FBXW11: variants seen among roughly 807,000 people sequenced by gnomAD.
The protein encoded by FBXW11 is F-box/WD repeat-containing protein 11.
Under a neutral mutation model 77.6 loss-of-function variants are expected in FBXW11, and 19 were observed. The ratio of observed to expected loss-of-function variants is 0.24; its 90% CI spans 0.17 to 0.36. The LOEUF (loss-of-function observed/expected upper bound fraction) is 0.36. FBXW11 is among the 10% of genes least tolerant of loss of function. FBXW11 has a pLI of 1.00. For synonymous variants in FBXW11, 235 were observed against 249.4 expected (o/e 0.94, Z 0.54); for missense variants, 334 against 704.2 (o/e 0.47, Z 5.95).
Position 171,863,707 on chromosome 5 carries a change from C to T in FBXW11, c.*420G>A, listed in dbSNP as rs576969689. On this transcript the variant is annotated 3_prime_UTR_variant, in exon 14 of 14. Coordinates refer to ENST00000517395, the MANE Select transcript of FBXW11 (RefSeq NM_001378974.1). ...GACATTCTGGGTAGGTGTTTGGCAC[C>T]CAAAATTTCACTGAAGAAGAATGCT... 1 of 152,596 alleles carries T rather than the reference C, an allele frequency of 6.6e-6. No individual in the cohort carries two copies. The allele number at this position is 152,596 out of a possible 1,614,324, so 9.5% of individuals were successfully genotyped here.
intron 1 of FBXW11, among the ~76,000 whole-genome samples, chr5:171,963,885 C>G (rs1235155806): frequency 6.6e-6 from 1 of 152,106 alleles, no homozygotes; most frequent in Non-Finnish European, 1.5e-5. Flanking sequence ...AGTACAAAAA[C>G]CAAGGATGTT....
rs1410274452 is a variant in FBXW11, at chr5:171,914,363, T to C, written c.190A>G (p.Lys64Glu). The C allele has an allele frequency of 1.2e-6, 2 of 1,606,654 alleles. No individual in the cohort carries two copies. The highest frequency in any genetic ancestry group is 2.7e-5 in the African/African-American group (2 of 74,662). ...MEDQNEDESPKKNTLWQISNG... is the reference protein window; with the variant it reads ...MEDQNEDESPEKNTLWQISNG... ...CCTACCTGCCAAAGAGTATTTTTCT[T>C]TGGGGACTCATCTTCATTTTGATCT... The change falls in exon 3 of 14, where the codon AAG becomes GAG. Residue 64 changes from lysine to glutamate, a missense_variant. Lys to Glu is a moderately conservative substitution (Grantham distance 56). Transcript: ENST00000517395.
chr5:171,869,913 G>A lies in FBXW11; in HGVS notation c.1452-106C>T. ...GCATCTGAACTGCCTATTTATAAAAGCTAATGGGGAACATGCTTATGTTTT... is the reference window on the plus strand; with the variant it reads ...GCATCTGAACTGCCTATTTATAAAAACTAATGGGGAACATGCTTATGTTTT... On this transcript the variant is annotated intron_variant, in intron 11 of 13. Coordinates refer to ENST00000517395, the MANE Select transcript of FBXW11 (RefSeq NM_001378974.1). The surrounding 1 kb of genome is among the most constrained non-coding windows in gnomAD (Gnocchi z 4.1). The A allele has an allele frequency of 1.7e-6, 1 of 576,400 alleles. No individual in the cohort carries two copies. Among genetic ancestry groups the A allele is most frequent in the Non-Finnish European group, 3.0e-6 (1 of 333,130 alleles). 35.7% of individuals were successfully genotyped at this position (576,400 alleles called of 1,614,324 possible).
intron 13 of FBXW11, among the ~76,000 whole-genome samples, chr5:171,865,929 T>C (rs1465727444): frequency 6.6e-6 from 1 of 152,198 alleles, no homozygotes; most frequent in Non-Finnish European, 1.5e-5. Context: ...ATAAATCTTA[T>C]GGTATCACAT....
rs778725042 is a variant in FBXW11, at chr5:171,904,439, T to C, written c.437-4339A>G. On this transcript the variant is annotated intron_variant, in intron 4 of 13. Coordinates refer to ENST00000517395, the MANE Select transcript of FBXW11 (RefSeq NM_001378974.1). This position sits in a 1 kb window ranked among gnomAD's most constrained non-coding sequence, Gnocchi z 4.0. ...TGGGTGGTCTATAAGCCTGTGTGGT[T>C]GTATCTGACTCAACTCAGGGTTACT... Among the ~76,000 whole-genome samples the C allele has an allele frequency of 1.3e-5, 2 of 152,106 alleles. No homozygotes were observed. The highest frequency in any genetic ancestry group is 2.9e-5 in the Non-Finnish European group (2 of 68,004).
In FBXW11 at chr5:171,878,106, T is replaced by C. The variant is rs140173467; in HGVS notation, c.876A>G (p.Glu292=). 181 of 1,613,922 alleles carry C rather than the reference T, an allele frequency of 1.1e-4. 2 individuals are homozygous for C. The African/African-American group carries it at 1.9e-3, about 17-fold the overall frequency. ...SIKIWDKTSL[E]CLKVLTGHTG... ...TGTGTCCTGTTAACACTTTCAAACA[T>C]TCCAGGCTGGTTTTATCCCATATCT... The change falls in exon 8 of 14, where the codon GAA becomes GAG. Residue 292 remains glutamate, a synonymous_variant. Coordinates refer to ENST00000517395, the MANE Select transcript of FBXW11 (RefSeq NM_001378974.1).
chr5:171,877,888 G>A (rs1222918300), intron 8 of FBXW11, 123 bp downstream of exon 8: 8 of 747,558 alleles, frequency 1.1e-5, no homozygotes, highest in Non-Finnish European at 9.1e-6. Context: ...TACAATAAAA[G>A]TAGTTTGAAA....
intron 2 of FBXW11, among the ~76,000 whole-genome samples, chr5:171,937,837 C>CAAAAAAAAAAAAAAA (rs893848306): frequency 3.5e-5 from 2 of 57,780 alleles, no homozygotes. Context: ...CAAAAAAAAG[C>CAAAAAAAAAAAAAAA]AAAAAAAAAA....
intron 13 of FBXW11, among the ~76,000 whole-genome samples, chr5:171,866,776 G>A (rs2113737185): frequency 6.6e-6 from 1 of 152,254 alleles, no homozygotes; most frequent in Non-Finnish European, 1.5e-5. Context: ...AGGGGGAGGA[G>A]CAATCACTCA....
In FBXW11 at chr5:171,906,827, C is replaced by T. The variant is rs182820995; in HGVS notation, c.436+3745G>A. Among the ~76,000 whole-genome samples, 317 of 152,258 alleles carry T rather than the reference C, an allele frequency of 2.1e-3. 3 individuals carry two copies. Among genetic ancestry groups the T allele is most frequent in the African/African-American group, 7.4e-3 (309 of 41,536 alleles). On this transcript the variant is annotated intron_variant, in intron 4 of 13. Coordinates refer to ENST00000517395, the MANE Select transcript of FBXW11 (RefSeq NM_001378974.1). ...CTCTGGCCGTGTACCCATCCTAAAGCCTTATCTACGCTCTGTTTCTTCCAC... is the reference window on the plus strand; with the variant it reads ...CTCTGGCCGTGTACCCATCCTAAAGTCTTATCTACGCTCTGTTTCTTCCAC...
At chr5:171,988,643 G>A (rs1472507331) in intron 1 of FBXW11, among the ~76,000 whole-genome samples, 1 of 150,848 alleles carries the variant, frequency 6.6e-6, no homozygotes, top group African/African-American at 2.4e-5. Flanking sequence ...TCAGGAGTTT[G>A]AGACCAGTCT....
intron 2 of FBXW11, among the ~76,000 whole-genome samples, 193 bp from the exon 3 acceptor site, chr5:171,914,598 G>A (rs2113953052): frequency 6.6e-6 from 1 of 152,248 alleles, no homozygotes; most frequent in Middle Eastern, 3.4e-3. Flanking sequence ...TAAAGTTAGT[G>A]GTTAGACAAA....
chr5:171,896,522 T>C (rs936279605), intron 6 of FBXW11, among the ~76,000 whole-genome samples: 2 of 152,156 alleles, frequency 1.3e-5, no homozygotes, highest in Non-Finnish European at 2.9e-5. Flanking sequence ...AAGGCCACCT[T>C]GAAATTCAGC....
At position 171,986,934 on chromosome 5, in the gene FBXW11, G is replaced by C. The variant is rs972109315; in HGVS notation, c.45+19524C>G. 2.6e-5 allele frequency among the ~76,000 whole-genome samples: 4 copies of C among 152,148 alleles called. No homozygotes were observed. In the South Asian group the frequency reaches 6.2e-4, roughly 24 times the overall value. On this transcript the variant is annotated intron_variant, in intron 1 of 13. Transcript: ENST00000517395. ...AGGCAAAGCTTTATCTGTATTTACAGCTGTCCCCTAACACTCGCATTACCA... is the reference window on the plus strand; with the variant it reads ...AGGCAAAGCTTTATCTGTATTTACACCTGTCCCCTAACACTCGCATTACCA...
At chr5:171,960,223 A>G (rs1018441073) in intron 1 of FBXW11, among the ~76,000 whole-genome samples, 3 of 152,136 alleles carry the variant, frequency 2.0e-5, no homozygotes, top group Non-Finnish European at 2.9e-5. Flanking sequence ...AAATAATACA[A>G]AAGTAGCCAA....
intron 7 of FBXW11, among the ~76,000 whole-genome samples, chr5:171,890,118 A>G (rs2113837861): frequency 6.6e-6 from 1 of 152,270 alleles, no homozygotes; most frequent in South Asian, 2.1e-4. Context: ...GATGCTCACT[A>G]TCATCACTGG....
intron 2 of FBXW11, among the ~76,000 whole-genome samples, chr5:171,927,474 CCACAGGCACAT>C (rs1319046876): frequency 1.3e-5 from 2 of 152,104 alleles, no homozygotes; most frequent in African/African-American, 4.8e-5. Context: ...CAAAAGACTT[CCACAGGCACAT>C]CACAAAAGAA....
rs55718566 is a variant in FBXW11, at chr5:171,982,795, T to A, written c.45+23663A>T. Among the ~76,000 whole-genome samples the A allele has an allele frequency of 4.1e-4, 63 of 152,130 alleles. 1 individual carries two copies. The highest frequency in any genetic ancestry group is 1.5e-3 in the African/African-American group (62 of 41,494). ...TCAGGAAACGGAATCTCGGTGACCT[T>A]CTCCAGCCCTCCTTTGACCTGACCC... On this transcript the variant is annotated intron_variant, in intron 1 of 13. Transcript: ENST00000517395.
intron 4 of FBXW11, among the ~76,000 whole-genome samples, chr5:171,905,486 C>G (rs770881097): frequency 1.3e-5 from 2 of 152,056 alleles, no homozygotes; most frequent in Non-Finnish European, 2.9e-5. Flanking sequence ...CTACTCTCCC[C>G]CAAATCCTCT....
Sources: allele counts gnomAD v4.1 joint callset (sites outside exome capture counted in the v4.1 genomes callset), GRCh38; gene constraint gnomAD v4.1.1; non-coding constraint Gnocchi (gnomAD v3.1); transcripts MANE v1.5; gene names NCBI Gene and HGNC (gene_info 2026-07-23, HGNC 2026-07-21).